The following PLPPR4 variants were observed in gnomAD, a reference collection of about 807,000 sequenced individuals.
PLPPR4 encodes phospholipid phosphatase-related protein type 4.
PLPPR4 carries 24 observed loss-of-function variants against 56.6 expected under a neutral mutation model. The observed-to-expected ratio is 0.42, with a 90% CI of 0.31 to 0.60. The LOEUF is 0.60. Among genes scored for constraint, PLPPR4 ranks in the 20% least tolerant of loss-of-function variants. The probability of loss-of-function intolerance (pLI) is 0.13; values close to 1 mark genes in which losing one functional copy is unlikely to be tolerated. For missense variants in PLPPR4, 654 were observed against 885.8 expected (o/e 0.74, Z 3.32); for synonymous variants, 326 against 328.1 (o/e 0.99, Z 0.07).
intron 2 of PLPPR4, among the ~76,000 whole-genome samples, 179 bp from the exon 3 acceptor site, chr1:99,296,558 CT>C (rs1413133517): frequency 6.6e-6 from 1 of 152,220 alleles, no homozygotes; most frequent in Non-Finnish European, 1.5e-5. Flanking sequence ...TGATTACTTA[CT>C]TCTCACTGCT....
chr1:99,304,554 A>T (rs1659968956), intron 6 of PLPPR4, among the ~76,000 whole-genome samples: 1 of 152,186 alleles, frequency 6.6e-6, no homozygotes, highest in African/African-American at 2.4e-5. Context: ...GGGATTGCTC[A>T]TTCTGGTGAG....
At chr1:99,302,918 T>G (rs1292512877) in intron 6 of PLPPR4, among the ~76,000 whole-genome samples, 1 of 151,888 alleles carries the variant, frequency 6.6e-6, no homozygotes, top group Non-Finnish European at 1.5e-5. Context: ...CTATCATTGT[T>G]GGACATTTGG....
chr1:99,278,736 C>A (rs981908617), intron 1 of PLPPR4, among the ~76,000 whole-genome samples: 2 of 152,140 alleles, frequency 1.3e-5, no homozygotes, highest in Non-Finnish European at 2.9e-5. Flanking sequence ...ATAAAACAAC[C>A]ACTTATCATT....
chr1:99,296,127 T>C (rs1659734318), intron 2 of PLPPR4, among the ~76,000 whole-genome samples: 1 of 152,220 alleles, frequency 6.6e-6, no homozygotes, highest in Non-Finnish European at 1.5e-5. Context: ...TAGATGTCTA[T>C]ATCTAGGAAA....
intron 2 of PLPPR4, among the ~76,000 whole-genome samples, chr1:99,294,915 T>C (rs1032566349): frequency 2.0e-5 from 3 of 152,178 alleles, no homozygotes; most frequent in African/African-American, 7.2e-5. Flanking sequence ...AATTAACCTC[T>C]TTTAGCTGAA....
At chr1:99,284,538 C>G (rs1173156146) in intron 1 of PLPPR4, among the ~76,000 whole-genome samples, 1 of 151,844 alleles carries the variant, frequency 6.6e-6, no homozygotes, top group Non-Finnish European at 1.5e-5. Context: ...CCGCCTCTCT[C>G]CCAAAGTGCT....
chr1:99,263,365 G>A (rs994625457), upstream of PLPPR4, among the ~76,000 whole-genome samples: 2 of 152,164 alleles, frequency 1.3e-5, no homozygotes, highest in African/African-American at 4.8e-5. Context: ...AGAAAGTGGG[G>A]GCAAGAGGTG....
Position 99,301,741 on chromosome 1 carries a change from A to G in PLPPR4, c.666A>G (p.Thr222=). Residue 222 remains threonine, a synonymous_variant, in exon 6 of 7, where the codon ACA becomes ACG. Transcript: ENST00000370185. ...TTTTTAAGATGTACTTCAATTCCACATTAACGGATTCCTCTAAGCTTCTGA... is the reference window on the plus strand; with the variant it reads ...TTTTTAAGATGTACTTCAATTCCACGTTAACGGATTCCTCTAAGCTTCTGA... ...AVYVSMYFNS[T]LTDSSKLLKP... The G allele has an allele frequency of 6.2e-7, 1 of 1,607,064 alleles. No individual in the cohort carries two copies. The highest frequency in any genetic ancestry group is 8.5e-7 in the Non-Finnish European group (1 of 1,175,918).
intron 1 of PLPPR4, among the ~76,000 whole-genome samples, chr1:99,275,989 T>C (rs950562940): frequency 1.3e-5 from 2 of 152,080 alleles, no homozygotes; most frequent in Non-Finnish European, 2.9e-5. Context: ...CATAACACAA[T>C]CCTACTTACT....
chr1:99,264,225 G>T, upstream of PLPPR4: 1 of 535,106 alleles, frequency 1.9e-6, no homozygotes, highest in Non-Finnish European at 3.2e-6. Context: ...GATTCTTGAC[G>T]TCAAGCTCCG....
chr1:99,292,955 C>T (rs1472495051), intron 2 of PLPPR4, among the ~76,000 whole-genome samples: 1 of 152,072 alleles, frequency 6.6e-6, no homozygotes, highest in Non-Finnish European at 1.5e-5. Flanking sequence ...AAATAACAGG[C>T]TCTAATTTCT....
intron 1 of PLPPR4, among the ~76,000 whole-genome samples, chr1:99,280,286 T>C (rs2100791912): frequency 6.6e-6 from 1 of 152,326 alleles, no homozygotes; most frequent in East Asian, 1.9e-4. Context: ...TATTTCTGCC[T>C]CAGTTTTCTC....
intron 1 of PLPPR4, among the ~76,000 whole-genome samples, chr1:99,275,256 T>A (rs1287462786): frequency 1.3e-5 from 2 of 152,148 alleles, no homozygotes; most frequent in African/African-American, 4.8e-5. Context: ...TGAAAACTCT[T>A]CTCCTTTAAG....
At chr1:99,289,029 C>T (rs1659548560) in intron 2 of PLPPR4, among the ~76,000 whole-genome samples, 1 of 152,042 alleles carries the variant, frequency 6.6e-6, no homozygotes, top group East Asian at 1.9e-4. Flanking sequence ...GTGAGTAACA[C>T]ACTTTTAGAT....
At chr1:99,263,388 A>T (rs1281164806), upstream of PLPPR4, among the ~76,000 whole-genome samples, 1 of 152,208 alleles carries the variant, frequency 6.6e-6, no homozygotes, top group African/African-American at 2.4e-5. Flanking sequence ...GTTGGCAGTG[A>T]AATGAGTATA....
At position 99,296,883 on chromosome 1, in the gene PLPPR4, C is replaced by T; in HGVS notation, c.394+16C>T. ...AGATTCGTTGGTGGGTGTGGGGAAC[C>T]ACAAAGAAAAGAAATGCTTTTTTTT... On this transcript the variant is annotated intron_variant, in intron 3 of 6. Transcript: ENST00000370185. The T allele has an allele frequency of 6.6e-7, 1 of 1,514,140 alleles. No individual in the cohort carries two copies. Among genetic ancestry groups the T allele is most frequent in the Non-Finnish European group, 8.9e-7 (1 of 1,126,136 alleles). 93.8% of individuals were successfully genotyped at this position (1,514,140 alleles called of 1,614,324 possible).
intron 1 of PLPPR4, among the ~76,000 whole-genome samples, chr1:99,271,943 T>TGTGTGTGTGTGTGTGTGTGA (rs140869914): frequency 9.4e-5 from 12 of 127,046 alleles, no homozygotes; most frequent in African/African-American, 2.6e-4. Context: ...TGTGTGTGTG[T>TGTGTGTGTGTGTGTGTGTGA]GATGGAGATC....
intron 2 of PLPPR4, among the ~76,000 whole-genome samples, chr1:99,289,815 T>C (rs1374636182): frequency 6.6e-6 from 1 of 152,116 alleles, no homozygotes; most frequent in African/African-American, 2.4e-5. Context: ...AACAGCCATG[T>C]ATGACAAACC....
intron 1 of PLPPR4, among the ~76,000 whole-genome samples, chr1:99,269,076 A>T (rs1180149478): frequency 6.6e-6 from 1 of 151,952 alleles, no homozygotes; most frequent in Admixed American, 6.6e-5. Flanking sequence ...TCCATCCCCT[A>T]GCCCCCCAAC....
Sources: gnomAD v4.1 joint callset for allele counts (sites outside exome capture counted in the v4.1 genomes callset) on GRCh38, gnomAD v4.1.1 for gene constraint, MANE v1.5 for transcripts, NCBI Gene and HGNC (gene_info 2026-07-23, HGNC 2026-07-21) for gene names.